Variants in MIPOL1 observed in about 807,000 individuals in gnomAD.
The protein encoded by MIPOL1 is mirror-image polydactyly 1.
In MIPOL1, 57 loss-of-function variants were observed where a neutral mutation model predicts 60.9. The observed-to-expected ratio is 0.94, with a 90% CI of 0.76 to 1.17. MIPOL1 has a LOEUF of 1.17. Ranked by LOEUF, MIPOL1 falls within the 50% of genes most tolerant of loss-of-function variation. The pLI, the probability that MIPOL1 is intolerant of heterozygous loss-of-function variation, is 0.00. For missense variants in MIPOL1, 551 were observed against 511.6 expected (o/e 1.08, Z -0.74); for synonymous variants, 179 against 168.8 (o/e 1.06, Z -0.47).
chr14:37,310,487 C>T (rs533766881), intron 9 of MIPOL1, among the ~76,000 whole-genome samples: 1 of 152,278 alleles, frequency 6.6e-6, no homozygotes, highest in Admixed American at 6.5e-5. Flanking sequence ...CCCATGTGCT[C>T]TGCCTTTTCT....
At chr14:37,320,247 A>G (rs919023136) in intron 9 of MIPOL1, among the ~76,000 whole-genome samples, 3 of 152,078 alleles carry the variant, frequency 2.0e-5, no homozygotes, top group African/African-American at 7.2e-5. Flanking sequence ...TGTTTTTCCA[A>G]AGTTGTGCCA....
At chr14:37,517,361 G>A (rs1176638628) in intron 12 of MIPOL1, among the ~76,000 whole-genome samples, 1 of 152,120 alleles carries the variant, frequency 6.6e-6, no homozygotes, top group African/African-American at 2.4e-5. Context: ...AACTATATAA[G>A]AACCATGTAA....
chr14:37,420,142 A>G (rs1436756557), intron 10 of MIPOL1, among the ~76,000 whole-genome samples: 1 of 151,896 alleles, frequency 6.6e-6, no homozygotes, highest in Admixed American at 6.6e-5. Context: ...ATAAAGCGCT[A>G]TCAATTTTGT....
chr14:37,398,736 G>A (rs2093425612), intron 10 of MIPOL1, among the ~76,000 whole-genome samples: 1 of 152,192 alleles, frequency 6.6e-6, no homozygotes, highest in African/African-American at 2.4e-5. Context: ...TGTACAAGGT[G>A]TGCAGGACAT....
chr14:37,524,565 C>CTTTTTTT (rs1173993657), intron 12 of MIPOL1, among the ~76,000 whole-genome samples: 8 of 124,846 alleles, frequency 6.4e-5, no homozygotes, highest in African/African-American at 1.9e-4. Context: ...TTTTCTTTTT[C>CTTTTTTT]TTTTCTTTTT....
intron 10 of MIPOL1, among the ~76,000 whole-genome samples, chr14:37,421,363 T>G (rs1295327924): frequency 1.3e-5 from 2 of 152,160 alleles, no homozygotes; most frequent in Non-Finnish European, 2.9e-5. Context: ...ATTCCTTAAA[T>G]GCATGTCTGA....
intron 7 of MIPOL1, among the ~76,000 whole-genome samples, chr14:37,295,058 G>T (rs943887836): frequency 3.3e-5 from 5 of 152,188 alleles, no homozygotes; most frequent in African/African-American, 1.2e-4. Context: ...CAGAGAGAAA[G>T]GTTGGGTTAC....
chr14:37,430,434 T>G (rs1044300731), intron 11 of MIPOL1, among the ~76,000 whole-genome samples: 6 of 152,016 alleles, frequency 3.9e-5, no homozygotes, highest in African/African-American at 9.7e-5. Flanking sequence ...CTGGCTTCAC[T>G]GTTCAAGTCA....
intron 9 of MIPOL1, among the ~76,000 whole-genome samples, chr14:37,314,415 C>T (rs902442669): frequency 8.5e-5 from 13 of 152,278 alleles, no homozygotes; most frequent in African/African-American, 3.1e-4. Flanking sequence ...GACATGAATC[C>T]AATCTAGTGA....
chr14:37,369,452 C>A lies in MIPOL1; in HGVS notation c.829-65C>A, dbSNP rs2092577238. Reference sequence around the variant, plus strand: ...TACAATGATATTATTTACATTAATTCATGTGGCTTGGTGAAAAAAAATGCT... The same window carrying A: ...TACAATGATATTATTTACATTAATTAATGTGGCTTGGTGAAAAAAAATGCT... On this transcript the variant is annotated intron_variant, in intron 9 of 12. Coordinates refer to ENST00000684589, the MANE Select transcript of MIPOL1 (RefSeq NM_001388067.1). The A allele has an allele frequency of 1.1e-5, 12 of 1,099,570 alleles. No homozygotes were observed. In the South Asian group the frequency reaches 1.5e-4, roughly 14 times the overall value. The allele number at this position is 1,099,570 out of a possible 1,614,324, so 68.1% of individuals were successfully genotyped here.
chr14:37,304,668 G>A (rs572066585), intron 7 of MIPOL1, among the ~76,000 whole-genome samples: 1 of 151,774 alleles, frequency 6.6e-6, no homozygotes, highest in South Asian at 2.1e-4. Flanking sequence ...AACGACTGTA[G>A]TTTCAGAAAA....
At chr14:37,353,278 C>T (rs1386669170) in intron 9 of MIPOL1, among the ~76,000 whole-genome samples, 10 of 131,160 alleles carry the variant, frequency 7.6e-5, no homozygotes, top group Non-Finnish European at 1.3e-4. Context: ...GGTGAATAAG[C>T]TTTTTGATGT....
intron 6 of MIPOL1, among the ~76,000 whole-genome samples, chr14:37,274,556 G>T (rs1468667859): frequency 6.6e-6 from 1 of 151,334 alleles, no homozygotes; most frequent in Non-Finnish European, 1.5e-5. Context: ...CAGCATATAA[G>T]ACAGATTTGG....
rs560448396 is a variant in MIPOL1 at position 37,372,246 on chromosome 14, G to A, written c.936+2622G>A. On this transcript the variant is annotated intron_variant, in intron 10 of 12. Coordinates refer to ENST00000684589, the MANE Select transcript of MIPOL1 (RefSeq NM_001388067.1). ...AATACAATCACAATTAATGGTCATAGATTACATGGAACTTTCCAAAATAAT... is the reference window on the plus strand; with the variant it reads ...AATACAATCACAATTAATGGTCATAAATTACATGGAACTTTCCAAAATAAT... Among the ~76,000 whole-genome samples the A allele has an allele frequency of 7.2e-5, 11 of 152,134 alleles. No individual in the cohort carries two copies. In the Middle Eastern group the frequency reaches 0.01, roughly 141 times the overall value.
intron 12 of MIPOL1, among the ~76,000 whole-genome samples, chr14:37,510,023 C>T (rs1301480037): frequency 6.6e-6 from 1 of 151,552 alleles, no homozygotes; most frequent in Non-Finnish European, 1.5e-5. Flanking sequence ...TGTATATATA[C>T]ACGTAGTCTA....
intron 10 of MIPOL1, among the ~76,000 whole-genome samples, chr14:37,373,749 T>C (rs932990799): frequency 6.6e-6 from 1 of 152,208 alleles, no homozygotes; most frequent in African/African-American, 2.4e-5. Flanking sequence ...CATTCCATGG[T>C]GTATATGTGC....
At position 37,232,618 on chromosome 14, in the gene MIPOL1, G is replaced by C. The variant is rs139040072; in HGVS notation, c.-198-14485G>C. 2.2e-3 allele frequency among the ~76,000 whole-genome samples: 329 copies of C among 152,120 alleles called. 1 individual carries two copies. The highest frequency in any genetic ancestry group is 7.3e-3 in the African/African-American group (303 of 41,502). ...CCTTTTAATATCCTCTTACCATTTT[G>C]ACTATTATTTGTTCTTCTCTTTCAG... is the stretch of plus-strand genomic sequence containing the variant. On this transcript the variant is annotated intron_variant, in intron 1 of 12. Transcript: ENST00000684589.
intron 10 of MIPOL1, among the ~76,000 whole-genome samples, chr14:37,388,581 C>T (rs772675596): frequency 2.7e-5 from 4 of 150,012 alleles, no homozygotes; most frequent in Non-Finnish European, 4.4e-5. Flanking sequence ...ACATATATGT[C>T]CACCGTAATG....
chr14:37,378,787 TAAG>T (rs1200210216), intron 10 of MIPOL1, among the ~76,000 whole-genome samples: 2 of 151,902 alleles, frequency 1.3e-5, no homozygotes, highest in East Asian at 1.9e-4. Context: ...AAAATTGACT[TAAG>T]AAGCAGAAAA....
Sources: gnomAD v4.1 joint callset for allele counts (sites outside exome capture counted in the v4.1 genomes callset) on GRCh38, gnomAD v4.1.1 for gene constraint, MANE v1.5 for transcripts, NCBI Gene and HGNC (gene_info 2026-07-23, HGNC 2026-07-21) for gene names.